Variants in EDIL3 observed in about 807,000 individuals in gnomAD.
EDIL3 encodes EGF like and discoidin domains 3, also known as EGF-like repeat and discoidin I-like domain-containing protein 3.
EDIL3 carries 37 observed loss-of-function variants against 67.4 expected under a neutral mutation model. The observed-to-expected ratio is 0.55, with a 90% CI of 0.42 to 0.72. The LOEUF (loss-of-function observed/expected upper bound fraction) is 0.72, where lower values mean the gene tolerates loss of function less well. Among genes scored for constraint, EDIL3 ranks in the 30% least tolerant of loss-of-function variants. The probability of loss-of-function intolerance (pLI) is 0.00; values close to 1 mark genes in which losing one functional copy is unlikely to be tolerated. For synonymous variants in EDIL3, 195 were observed against 196.3 expected, an observed-to-expected ratio of 0.99 and a Z score of 0.05; for missense variants, 527 against 586.3, an observed-to-expected ratio of 0.90 and a Z score of 1.04.
At chr5:84,321,826 G>A (rs1018023156) in intron 1 of EDIL3, among the ~76,000 whole-genome samples, 9 of 152,122 alleles carry the variant, frequency 5.9e-5, no homozygotes, top group African/African-American at 2.2e-4. Flanking sequence ...ATATTTAAAG[G>A]ACCACAACAT....
intron 6 of EDIL3, among the ~76,000 whole-genome samples, chr5:84,089,763 T>A (rs928258891): frequency 6.6e-6 from 1 of 152,170 alleles, no homozygotes; most frequent in Non-Finnish European, 1.5e-5. Context: ...CCCCTACAGA[T>A]ATGCAACTCT....
At chr5:84,118,858 G>A (rs1486837062) in intron 5 of EDIL3, among the ~76,000 whole-genome samples, 3 of 152,102 alleles carry the variant, frequency 2.0e-5, no homozygotes, top group African/African-American at 7.2e-5. Flanking sequence ...AATTCAATTA[G>A]AATGCCTTGG....
Position 83,963,277 on chromosome 5 carries a change from G to C in EDIL3, c.1221C>G (p.Ser407=), listed in dbSNP as rs1408561739. ...KDFGHVQFVG[S]YKLAYSNDGE... ...CATCATTGCTGTAAGCCAGTTTGTA[G>C]GAGCCAACAAACTGTACATGACCAA... The change falls in exon 10 of 11, where the codon TCC becomes TCG. Residue 407 remains serine (S), a synonymous_variant. Transcript: ENST00000296591. 6.2e-7 allele frequency: 1 copy of C among 1,610,072 alleles called. No homozygotes were observed. Among genetic ancestry groups the C allele is most frequent in the Non-Finnish European group, 8.5e-7 (1 of 1,177,626 alleles).
intron 1 of EDIL3, among the ~76,000 whole-genome samples, chr5:84,273,913 G>C (rs1304611907): frequency 6.6e-6 from 1 of 152,030 alleles, no homozygotes; most frequent in East Asian, 1.9e-4. Context: ...TATAACCCCA[G>C]TACTTGTTAA....
chr5:83,940,870 C>T lies in EDIL3; in HGVS notation c.*2549G>A, dbSNP rs574046653. Reference sequence around the variant, plus strand: ...TCACACCAAACTTTATGAAGTCATTCAGAAAGAGAAAGTCAATCCTAAAAT... The same window carrying T: ...TCACACCAAACTTTATGAAGTCATTTAGAAAGAGAAAGTCAATCCTAAAAT... On this transcript the variant is annotated 3_prime_UTR_variant, in exon 11 of 11. Coordinates refer to ENST00000296591, the MANE Select transcript of EDIL3 (RefSeq NM_005711.5). 5.3e-5 allele frequency: 8 copies of T among 152,032 alleles called. No individual in the cohort carries two copies. In the South Asian group the frequency reaches 1.5e-3, roughly 28 times the overall value. 9.4% of individuals were successfully genotyped at this position (152,032 alleles called of 1,614,324 possible). A position where few individuals can be genotyped will look rare whatever the true frequency, so the allele number is the denominator to read the frequency against.
At chr5:84,195,700 A>G (rs148982038) in intron 3 of EDIL3, among the ~76,000 whole-genome samples, 2 of 152,158 alleles carry the variant, frequency 1.3e-5, no homozygotes, top group African/African-American at 4.8e-5. Flanking sequence ...CTTTGGGCTT[A>G]GAAGGATAAC....
intron 4 of EDIL3, among the ~76,000 whole-genome samples, chr5:84,168,085 T>C (rs919910127): frequency 6.6e-6 from 1 of 152,210 alleles, no homozygotes; most frequent in Admixed American, 6.5e-5. Context: ...TTCTAGGCTA[T>C]GGCATAATTG....
intron 1 of EDIL3, among the ~76,000 whole-genome samples, chr5:84,321,886 G>T (rs1358701195): frequency 1.3e-5 from 2 of 151,926 alleles, no homozygotes; most frequent in South Asian, 2.1e-4. Context: ...CATTTTTGCA[G>T]CAAGACATAG....
At chr5:83,990,461 T>C (rs1745129499) in intron 9 of EDIL3, among the ~76,000 whole-genome samples, 1 of 142,840 alleles carries the variant, frequency 7.0e-6, no homozygotes, top group South Asian at 2.2e-4. Flanking sequence ...CACTCCAGTC[T>C]GCCGACCGAG....
chr5:84,265,294 C>CCAA (rs753414003), intron 1 of EDIL3, among the ~76,000 whole-genome samples: 2 of 152,102 alleles, frequency 1.3e-5, no homozygotes, highest in Non-Finnish European at 2.9e-5. Context: ...TACTGCAGCC[C>CCAA]CAACTATTTA....
intron 9 of EDIL3, among the ~76,000 whole-genome samples, chr5:84,010,995 A>T (rs1745507753): frequency 6.6e-6 from 1 of 152,204 alleles, no homozygotes; most frequent in Non-Finnish European, 1.5e-5. Flanking sequence ...GGATGAAACA[A>T]GTCCTTATAA....
intron 9 of EDIL3, among the ~76,000 whole-genome samples, chr5:83,993,960 CCACCTTCTTAT>C (rs1395883217): frequency 6.6e-5 from 10 of 152,192 alleles, no homozygotes; most frequent in South Asian, 2.1e-4. Context: ...TATATTACAC[CCACCTTCTTAT>C]CCTGCTTCAT....
At chr5:83,989,028 T>C (rs1745104475) in intron 9 of EDIL3, among the ~76,000 whole-genome samples, 1 of 152,152 alleles carries the variant, frequency 6.6e-6, no homozygotes, top group South Asian at 2.1e-4. Flanking sequence ...CAAAATCAAA[T>C]ATTAAGTTTT....
At chr5:84,367,510 G>C (rs1024430991) in intron 1 of EDIL3, among the ~76,000 whole-genome samples, 1 of 152,100 alleles carries the variant, frequency 6.6e-6, no homozygotes, top group African/African-American at 2.4e-5. Flanking sequence ...AGCTAGGAGC[G>C]GTGGCTCATG....
At chr5:84,383,983 G>C (rs557411175) in intron 1 of EDIL3, among the ~76,000 whole-genome samples, 20 of 152,254 alleles carry the variant, frequency 1.3e-4, no homozygotes, top group Non-Finnish European at 2.8e-4. Flanking sequence ...TGCCTAGGGA[G>C]GGTTTGCGCC....
At chr5:84,115,048 A>T (rs577932944) in intron 5 of EDIL3, among the ~76,000 whole-genome samples, 80 of 152,318 alleles carry the variant, frequency 5.3e-4, no homozygotes, top group African/African-American at 1.7e-3. Context: ...AACTAAAACA[A>T]ATCATTGCTT....
At chr5:84,005,548 C>T (rs1375317711) in intron 9 of EDIL3, among the ~76,000 whole-genome samples, 1 of 152,102 alleles carries the variant, frequency 6.6e-6, no homozygotes, top group Admixed American at 6.6e-5. Context: ...TGTGTTTCAT[C>T]ACATACACAG....
intron 9 of EDIL3, among the ~76,000 whole-genome samples, chr5:84,005,728 C>G (rs1461185792): frequency 6.6e-6 from 1 of 152,080 alleles, no homozygotes; most frequent in African/African-American, 2.4e-5. Context: ...ACTGAATGGG[C>G]AAAAGCTGGA....
At position 84,341,409 on chromosome 5, in the gene EDIL3, T is replaced by C. The variant is rs1282975884; in HGVS notation, c.67+42899A>G. Among the ~76,000 whole-genome samples the C allele has an allele frequency of 2.0e-5, 3 of 152,048 alleles. No individual in the cohort carries two copies. The East Asian group carries it at 5.8e-4, about 29-fold the overall frequency. ...ATACTCAGACAACTATGCCTGACTA[T>C]AAGTGAAAAAATTTACAAGAATCAA... On this transcript the variant is annotated intron_variant, in intron 1 of 10. Transcript: ENST00000296591.
Sources: gnomAD v4.1 joint callset for allele counts (sites outside exome capture counted in the v4.1 genomes callset) on GRCh38, gnomAD v4.1.1 for gene constraint, MANE v1.5 for transcripts, NCBI Gene and HGNC (gene_info 2026-07-23, HGNC 2026-07-21) for gene names.